PGR: variants seen among roughly 807,000 people sequenced by gnomAD.
PGR encodes the protein progesterone receptor.
Under a neutral mutation model 76.1 loss-of-function variants are expected in PGR, and 25 were observed. That is an observed-to-expected ratio of 0.33 (90% CI 0.24 to 0.46). The LOEUF is 0.46. PGR is among the 20% of genes least tolerant of loss of function. The probability of loss-of-function intolerance (pLI) is 1.00; values close to 1 mark genes in which losing one functional copy is unlikely to be tolerated. For missense variants in PGR, 1,172 were observed against 1,225.3 expected (o/e 0.96, Z 0.65); for synonymous variants, 579 against 535.0 (o/e 1.08, Z -1.14).
In PGR at chr11:101,128,240, C is replaced by T. The variant is rs1417266193; in HGVS notation, c.831G>A (p.Ala277=). 1 of 1,595,836 alleles carries T rather than the reference C, an allele frequency of 6.3e-7. No homozygotes were observed. The highest frequency in any genetic ancestry group is 1.1e-5 in the South Asian group (1 of 90,586). ...CCTGCTCCACCAGGGCGACCCTGGG[C>T]GCTGAGAAGCGGGAATCTTCCTTGG... ...LVPKEDSRFS[A]PRVALVEQDA... is the part of the protein sequence containing the mutation. Residue 277 remains alanine (A), a synonymous_variant, in exon 1 of 8, where the codon GCG becomes GCA. Transcript: ENST00000325455.
At chr11:101,075,065 T>C (rs1474371250) in intron 3 of PGR, among the ~76,000 whole-genome samples, 1 of 152,150 alleles carries the variant, frequency 6.6e-6, no homozygotes, top group Non-Finnish European at 1.5e-5. Flanking sequence ...GCTAGCTGAC[T>C]TCAAACTATA....
chr11:101,106,424 C>T (rs1370830622), intron 2 of PGR, among the ~76,000 whole-genome samples: 1 of 152,100 alleles, frequency 6.6e-6, no homozygotes, highest in Non-Finnish European at 1.5e-5. Flanking sequence ...GCAGACACTT[C>T]TCAAAAAAAG....
In PGR at chr11:101,128,963, G is replaced by C. The variant is rs764487268; in HGVS notation, c.108C>G (p.Phe36Leu). ...AGGTGTCCGAGGTCTGGCTCCCCGG[G>C]AACGGACCTGCGGCTGGGCGACACA... ...PLLCRPAAGP[F>L]PGSQTSDTLP... The change falls in exon 1 of 8, where the codon TTC (phenylalanine) becomes TTG (leucine). Residue 36 changes from phenylalanine to leucine, a missense_variant. This residue lies in a region of PGR where 893 missense variants were observed against 785.9 expected (regional missense o/e 1.14). Transcript: ENST00000325455. 1.9e-6 allele frequency: 3 copies of C among 1,606,006 alleles called. No homozygotes were observed. The highest frequency in any genetic ancestry group is 2.2e-5 in the South Asian group (2 of 90,164).
At chr11:101,095,352 T>G (rs912443948) in intron 2 of PGR, among the ~76,000 whole-genome samples, 1 of 152,158 alleles carries the variant, frequency 6.6e-6, no homozygotes, top group African/African-American at 2.4e-5. Flanking sequence ...AGACTGCTTG[T>G]TCAAAGCTCA....
Position 101,062,729 on chromosome 11 carries a change from T to C in PGR, c.1930A>G (p.Lys644Glu), listed in dbSNP as rs764814845. Residue 644 changes from lysine to glutamate, a missense_variant, in exon 4 of 8, where the codon AAA becomes GAA. Coordinates refer to ENST00000325455, the MANE Select transcript of PGR (RefSeq NM_000926.4). ...LGGRKFKKFN[K>E]VRVVRALDAV... ...TCCAGTGCTCTCACAACTCTGACTTTATTGAACTTTTTAAATTTTCGACCT... is the reference window on the plus strand; with the variant it reads ...TCCAGTGCTCTCACAACTCTGACTTCATTGAACTTTTTAAATTTTCGACCT... 1 of 1,612,178 alleles carries C rather than the reference T, an allele frequency of 6.2e-7. No individual in the cohort carries two copies. Among genetic ancestry groups the C allele is most frequent in the South Asian group, 1.1e-5 (1 of 90,678 alleles).
At chr11:101,078,129 C>T (rs1238914747) in intron 3 of PGR, among the ~76,000 whole-genome samples, 1 of 152,084 alleles carries the variant, frequency 6.6e-6, no homozygotes. Context: ...TACTACACAA[C>T]CCATACTCTC....
chr11:101,102,552 ACTAT>A (rs1862026308), intron 2 of PGR, among the ~76,000 whole-genome samples: 2 of 152,204 alleles, frequency 1.3e-5, no homozygotes, highest in African/African-American at 4.8e-5. Context: ...ATGAAGAGTG[ACTAT>A]CTAGCAGAGT....
chr11:101,124,660 C>G (rs1260991952), intron 2 of PGR, among the ~76,000 whole-genome samples: 1 of 152,044 alleles, frequency 6.6e-6, no homozygotes, highest in Non-Finnish European at 1.5e-5. Flanking sequence ...GAAACCAGAA[C>G]CAAAGTCAGA....
At chr11:101,106,971 C>T (rs1276507698) in intron 2 of PGR, among the ~76,000 whole-genome samples, 1 of 152,058 alleles carries the variant, frequency 6.6e-6, no homozygotes, top group Non-Finnish European at 1.5e-5. Context: ...AACAGAAAAC[C>T]AAACACCGCA....
chr11:101,075,575 A>C (rs1164204882), intron 3 of PGR, among the ~76,000 whole-genome samples: 2 of 151,770 alleles, frequency 1.3e-5, no homozygotes, highest in Non-Finnish European at 2.9e-5. Context: ...TATCCATCTA[A>C]CAAAGGACTA....
chr11:101,097,133 C>G (rs949229561), intron 2 of PGR, among the ~76,000 whole-genome samples: 5 of 152,114 alleles, frequency 3.3e-5, no homozygotes, highest in African/African-American at 1.2e-4. Context: ...CAAAACTGAT[C>G]TATTTTAGGG....
At chr11:101,060,612 T>C (rs1205031746) in intron 4 of PGR, among the ~76,000 whole-genome samples, 1 of 152,234 alleles carries the variant, frequency 6.6e-6, no homozygotes, top group Admixed American at 6.5e-5. Context: ...ATAGTCACTC[T>C]AGCTCACTGA....
intron 2 of PGR, among the ~76,000 whole-genome samples, chr11:101,111,579 T>C (rs1862343596): frequency 6.6e-6 from 1 of 152,214 alleles, no homozygotes; most frequent in Non-Finnish European, 1.5e-5. Context: ...ATGCCATTTC[T>C]GGGTCCCTTT....
intron 2 of PGR, among the ~76,000 whole-genome samples, chr11:101,110,421 T>G (rs1343049252): frequency 6.6e-6 from 1 of 152,178 alleles, no homozygotes; most frequent in African/African-American, 2.4e-5. Context: ...GATTCAAGAC[T>G]TCATGGAGGA....
intron 6 of PGR, among the ~76,000 whole-genome samples, chr11:101,042,776 CTTTT>C (rs1334860235): frequency 6.6e-6 from 1 of 152,150 alleles, no homozygotes; most frequent in African/African-American, 2.4e-5. Context: ...TCACATGCAT[CTTTT>C]TGTTTCCCAG....
rs539569028 is a variant in PGR, at chr11:101,035,597, G to A, written c.*3519C>T. 1 of 232,024 alleles carries A rather than the reference G, an allele frequency of 4.3e-6. No individual in the cohort carries two copies. Among genetic ancestry groups the A allele is most frequent in the African/African-American group, 2.2e-5 (1 of 45,350 alleles). The allele number at this position is 232,024 out of a possible 1,614,324, so 14.4% of individuals were successfully genotyped here. On this transcript the variant is annotated 3_prime_UTR_variant, in exon 8 of 8. Transcript: ENST00000325455. ...TAATTTGAGCATGGGTTTTTGGAGG[G>A]GCTGTGTTCTAGTCAGGCTCTCTGT...
At chr11:101,083,718 A>C (rs1256169987) in intron 3 of PGR, among the ~76,000 whole-genome samples, 1 of 152,186 alleles carries the variant, frequency 6.6e-6, no homozygotes, top group African/African-American at 2.4e-5. Flanking sequence ...TGTTTTGGCC[A>C]GTTACTCCCA....
At position 101,038,785 on chromosome 11, in the gene PGR, C is replaced by T. The variant is rs1379064490; in HGVS notation, c.*331G>A. ...ACATGTAAGATTTTTTCTCTTAAGT[C>T]GATGATTTGTTAGATGCAAAAGTTA... On this transcript the variant is annotated 3_prime_UTR_variant, in exon 8 of 8. Transcript: ENST00000325455. 5 of 258,462 alleles carry T rather than the reference C, an allele frequency of 1.9e-5. No individual in the cohort carries two copies. Among genetic ancestry groups the T allele is most frequent in the East Asian group, 5.7e-5 (1 of 17,446 alleles). The allele number at this position is 258,462 out of a possible 1,614,324, so 16.0% of individuals were successfully genotyped here.
At position 101,128,882 on chromosome 11, in the gene PGR, G is replaced by C; in HGVS notation, c.189C>G (p.Pro63=). The change falls in exon 1 of 8, where the codon CCC becomes CCG. Residue 63 remains proline (P), a synonymous_variant. Transcript: ENST00000325455. ...ISLDGLLFPR[P]CQGQDPSDEK... The stretch of plus-strand genomic sequence containing the variant: ...CGTCGGAGGGGTCCTGTCCCTGGCA[G>C]GGCCGAGGGAAGAGTAGCCCGTCCA... 2 of 1,614,114 alleles carry C rather than the reference G, an allele frequency of 1.2e-6. No individual in the cohort carries two copies. The highest frequency in any genetic ancestry group is 1.7e-6 in the Non-Finnish European group (2 of 1,180,032).
Sources: allele counts gnomAD v4.1 joint callset (sites outside exome capture counted in the v4.1 genomes callset), GRCh38; gene constraint gnomAD v4.1.1; regional missense constraint gnomAD v4.1.1; transcripts MANE v1.5; gene names NCBI Gene and HGNC (gene_info 2026-07-23, HGNC 2026-07-21).